Variants in SH3RF1 observed in about 807,000 individuals in gnomAD.
SH3RF1 encodes E3 ubiquitin-protein ligase SH3RF1.
In SH3RF1, 32 loss-of-function variants were observed where a neutral mutation model predicts 74.0. The ratio of observed to expected loss-of-function variants is 0.43; its 90% confidence interval spans 0.33 to 0.58. The LOEUF is 0.58. Among genes scored for constraint, SH3RF1 ranks in the 20% least tolerant of loss-of-function variants. The pLI is 0.05. For missense variants in SH3RF1, 954 were observed against 1,130.9 expected (o/e 0.84, Z 2.24); for synonymous variants, 396 against 439.6 (o/e 0.90, Z 1.24).
At chr4:169,110,674 G>A (rs776818427) in intron 10 of SH3RF1, among the ~76,000 whole-genome samples, 2 of 152,150 alleles carry the variant, frequency 1.3e-5, no homozygotes, top group Non-Finnish European at 2.9e-5. Context: ...ATCTGTGGTT[G>A]ACTCCTTAAG....
chr4:169,192,931 AT>A, intron 2 of SH3RF1, among the ~76,000 whole-genome samples: 1 of 148,478 alleles, frequency 6.7e-6, no homozygotes, highest in Non-Finnish European at 1.5e-5. Flanking sequence ...ATATATATAT[AT>A]ATGATGGAAT....
intron 2 of SH3RF1, among the ~76,000 whole-genome samples, chr4:169,214,293 G>T (rs1347912659): frequency 1.3e-5 from 2 of 152,196 alleles, no homozygotes; most frequent in Admixed American, 1.3e-4. Context: ...TTCATTGTCT[G>T]CCATGAGTAA....
At chr4:169,120,792 T>C (rs1489065521) in intron 8 of SH3RF1, 27 bp downstream of exon 8, 28 of 1,612,312 alleles carry the variant, frequency 1.7e-5, no homozygotes, top group Non-Finnish European at 2.3e-5. Flanking sequence ...GTTTAGAACA[T>C]AGTAAACAAT....
intron 2 of SH3RF1, among the ~76,000 whole-genome samples, chr4:169,245,865 G>C (rs1007205518): frequency 6.6e-6 from 1 of 152,186 alleles, no homozygotes; most frequent in Non-Finnish European, 1.5e-5. Flanking sequence ...ACCTTCAATA[G>C]ATTCTTCCAA....
rs530897484 is a variant in SH3RF1, at chr4:169,188,579, T to C, written c.394-31900A>G. Among the ~76,000 whole-genome samples, 8 of 152,338 alleles carry C rather than the reference T, an allele frequency of 5.3e-5. No homozygotes were observed. In the South Asian group the frequency reaches 1.0e-3, roughly 20 times the overall value. On this transcript the variant is annotated intron_variant, in intron 2 of 11. Transcript: ENST00000284637. ...TGAAACCCTCCCCTTATTTACAGTATAAAAGCTAATGAAAATGTACTTGTG... is the reference window on the plus strand; with the variant it reads ...TGAAACCCTCCCCTTATTTACAGTACAAAAGCTAATGAAAATGTACTTGTG...
Position 169,116,581 on chromosome 4 carries a change from C to T in SH3RF1, c.1827G>A (p.Gln609=). The T allele has an allele frequency of 1.9e-6, 3 of 1,588,102 alleles. No individual in the cohort carries two copies. Among genetic ancestry groups the T allele is most frequent in the Non-Finnish European group, 1.7e-6 (2 of 1,164,538 alleles). Residue 609 remains glutamine, a synonymous_variant, in exon 10 of 12, where the codon CAG becomes CAA. Coordinates refer to ENST00000284637, the MANE Select transcript of SH3RF1 (RefSeq NM_020870.4). ...ERPTAAVTPI[Q]VQNAAGLSPA... is the part of the protein sequence containing the mutation. The stretch of plus-strand genomic sequence containing the variant: ...GGCTGAGGCCGGCGGCATTCTGTAC[C>T]TGGATGGGTGTCACTGCTGCCGTGG...
intron 2 of SH3RF1, among the ~76,000 whole-genome samples, chr4:169,192,601 A>G (rs567628910): frequency 6.6e-6 from 1 of 152,268 alleles, no homozygotes; most frequent in East Asian, 1.9e-4. Context: ...AACTAAAAGT[A>G]GAATTACCAT....
intron 2 of SH3RF1, among the ~76,000 whole-genome samples, chr4:169,171,048 A>C (rs1458027878): frequency 1.3e-5 from 2 of 152,232 alleles, no homozygotes; most frequent in African/African-American, 2.4e-5. Flanking sequence ...GTTTGACCTA[A>C]AGGTTTCTCC....
At chr4:169,226,937 T>C (rs1283819839) in intron 2 of SH3RF1, among the ~76,000 whole-genome samples, 1 of 151,972 alleles carries the variant, frequency 6.6e-6, no homozygotes, top group Non-Finnish European at 1.5e-5. Context: ...TAGGCTGAGG[T>C]GGGAGGATCA....
At chr4:169,113,351 A>C (rs549864881) in intron 10 of SH3RF1, among the ~76,000 whole-genome samples, 182 of 152,258 alleles carry the variant, frequency 1.2e-3, no homozygotes, top group African/African-American at 4.2e-3. Context: ...CTCAGGTGAT[A>C]CACCAGCTTT....
chr4:169,150,485 T>C (rs1733958550), intron 4 of SH3RF1, among the ~76,000 whole-genome samples: 1 of 152,230 alleles, frequency 6.6e-6, no homozygotes, highest in Non-Finnish European at 1.5e-5. Flanking sequence ...TATCATTTTT[T>C]GTGGTGAGAA....
chr4:169,263,513 G>A (rs1046859342), intron 2 of SH3RF1, among the ~76,000 whole-genome samples: 4 of 152,198 alleles, frequency 2.6e-5, no homozygotes, highest in African/African-American at 7.2e-5. Flanking sequence ...ACAGTTCACA[G>A]CTGGCAGTTG....
At chr4:169,232,670 T>C (rs1305448260) in intron 2 of SH3RF1, among the ~76,000 whole-genome samples, 1 of 152,174 alleles carries the variant, frequency 6.6e-6, no homozygotes, top group Non-Finnish European at 1.5e-5. Flanking sequence ...ACTTTCTGGC[T>C]GTAAGAGCAT....
intron 5 of SH3RF1, 150 bp downstream of exon 5, chr4:169,136,168 C>CA: frequency 1.2e-6 from 1 of 807,530 alleles, no homozygotes; most frequent in Non-Finnish European, 1.8e-6. Context: ...TTTCCACTTA[C>CA]AAAATGAAGA....
intron 2 of SH3RF1, among the ~76,000 whole-genome samples, chr4:169,240,463 T>C (rs1730890090): frequency 6.6e-6 from 1 of 152,012 alleles, no homozygotes; most frequent in South Asian, 2.1e-4. Flanking sequence ...CTCCCAAAGC[T>C]CTGGGATTAC....
At chr4:169,216,097 C>A (rs1171320256) in intron 2 of SH3RF1, among the ~76,000 whole-genome samples, 1 of 152,118 alleles carries the variant, frequency 6.6e-6, no homozygotes. Flanking sequence ...AGCCACCATG[C>A]CCAGCCTAAT....
rs771752763 is a variant in SH3RF1, at chr4:169,122,273, T to G, written c.1180-7A>C. 1.8e-5 allele frequency: 28 copies of G among 1,571,464 alleles called. No homozygotes were observed. In the Middle Eastern group the frequency reaches 8.3e-4, roughly 47 times the overall value. On this transcript the variant is annotated splice_polypyrimidine_tract_variant and splice_region_variant and intron_variant, in intron 6 of 11. Transcript: ENST00000284637. ...GAAGAGGAGGATTCAAAGTCTAGTA[T>G]AGGAAAAACATAAAGAGAAAGGGAA...
intron 5 of SH3RF1, among the ~76,000 whole-genome samples, chr4:169,132,287 C>G (rs535185829): frequency 6.6e-6 from 1 of 152,230 alleles, no homozygotes; most frequent in South Asian, 2.1e-4. Flanking sequence ...CTCTAAAAGC[C>G]CAGAGTGGGA....
chr4:169,160,202 G>A lies in SH3RF1; in HGVS notation c.394-3523C>T, dbSNP rs142409162. Among the ~76,000 whole-genome samples the A allele has an allele frequency of 1.7e-3, 265 of 152,260 alleles. 1 individual carries two copies. Among genetic ancestry groups the A allele is most frequent in the Non-Finnish European group, 2.4e-3 (162 of 68,030 alleles). On this transcript the variant is annotated intron_variant, in intron 2 of 11. Transcript: ENST00000284637. ...CCAAGATACAGATTTAGCACTCTTA[G>A]AAACCATTCTGAACTGCTCCTTGAA...
Sources: gnomAD v4.1 joint callset for allele counts (sites outside exome capture counted in the v4.1 genomes callset) on GRCh38, gnomAD v4.1.1 for gene constraint, MANE v1.5 for transcripts, NCBI Gene and HGNC (gene_info 2026-07-23, HGNC 2026-07-21) for gene names.